The following RAD54B variants were observed in gnomAD, a reference collection of about 807,000 sequenced individuals.
RAD54B encodes DNA repair and recombination protein RAD54B.
A neutral mutation model predicts 95.8 loss-of-function variants in RAD54B; 78 were observed. The ratio of observed to expected loss-of-function variants is 0.81; its 90% CI spans 0.68 to 0.98. The LOEUF is 0.98. Among genes scored for constraint, RAD54B ranks in the 50% least tolerant of loss-of-function variants. The pLI, the probability that RAD54B is intolerant of heterozygous loss-of-function variation, is 0.00. For missense variants in RAD54B, 957 were observed against 1,056.6 expected (o/e 0.91, Z 1.31); for synonymous variants, 328 against 354.9 (o/e 0.92, Z 0.85).
At chr8:94,448,707 A>AAAC (rs894375279) in intron 3 of RAD54B, among the ~76,000 whole-genome samples, 7 of 151,606 alleles carry the variant, frequency 4.6e-5, no homozygotes, top group Non-Finnish European at 8.8e-5. Flanking sequence ...AAAAAAAAAA[A>AAAC]AGGCCAAACA....
intron 3 of RAD54B, among the ~76,000 whole-genome samples, chr8:94,413,051 G>GA (rs1036805990): frequency 6.6e-6 from 1 of 151,742 alleles, no homozygotes; most frequent in Non-Finnish European, 1.5e-5. Context: ...AAGCTTTGTT[G>GA]AAAAAAAATT....
At chr8:94,390,294 G>C (rs1810985053) in intron 10 of RAD54B, among the ~76,000 whole-genome samples, 1 of 151,118 alleles carries the variant, frequency 6.6e-6, no homozygotes, top group Admixed American at 6.6e-5. Context: ...GAGGTCAGGA[G>C]TTCGAGACCA....
At chr8:94,456,399 A>G (rs1374029270) in intron 3 of RAD54B, among the ~76,000 whole-genome samples, 2 of 152,234 alleles carry the variant, frequency 1.3e-5, no homozygotes, top group South Asian at 2.1e-4. Context: ...CCTGTTTGGT[A>G]TAATAACAAT....
chr8:94,381,270 G>C (rs1460746337), intron 11 of RAD54B, among the ~76,000 whole-genome samples: 1 of 152,172 alleles, frequency 6.6e-6, no homozygotes, highest in Admixed American at 6.5e-5. Context: ...TCTATGGAAA[G>C]ACTTAAATGA....
Position 94,432,738 on chromosome 8 carries a change from T to C in RAD54B, c.305-21423A>G, listed in dbSNP as rs541714085. The C allele has an allele frequency of 2.2e-6, 3 of 1,363,668 alleles. No individual in the cohort carries two copies. In the East Asian group the frequency reaches 7.8e-5, roughly 35 times the overall value. 84.5% of individuals were successfully genotyped at this position (1,363,668 alleles called of 1,614,324 possible). Reference sequence around the variant, plus strand: ...TTTATAGCATAATTTTAATTTAATGTACATTAAATGATAAAGCTTTAAAAC... The same window carrying C: ...TTTATAGCATAATTTTAATTTAATGCACATTAAATGATAAAGCTTTAAAAC... On this transcript the variant is annotated intron_variant, in intron 3 of 14. Coordinates refer to ENST00000336148, the MANE Select transcript of RAD54B (RefSeq NM_012415.3).
chr8:94,394,407 ATT>A (rs59691545), intron 8 of RAD54B, among the ~76,000 whole-genome samples: 1 of 151,320 alleles, frequency 6.6e-6, no homozygotes, highest in East Asian at 1.9e-4. Context: ...TAAACTCAGA[ATT>A]TTTTTTTTCA....
chr8:94,383,073 G>A (rs1196236353), intron 11 of RAD54B, among the ~76,000 whole-genome samples: 3 of 151,984 alleles, frequency 2.0e-5, no homozygotes, highest in Admixed American at 6.6e-5. Flanking sequence ...AAGGGGGGTG[G>A]GTCACCTGAG....
At chr8:94,385,415 T>C (rs973089837) in intron 11 of RAD54B, among the ~76,000 whole-genome samples, 4 of 152,060 alleles carry the variant, frequency 2.6e-5, no homozygotes, top group African/African-American at 9.7e-5. Flanking sequence ...AGTGAAAGTT[T>C]GCACTCTTAA....
At chr8:94,469,573 T>A (rs10086307) in intron 1 of RAD54B, among the ~76,000 whole-genome samples, 6,041 of 152,312 alleles carry the variant, frequency 0.04, 133 homozygotes, top group Non-Finnish European at 0.049. Context: ...AAGCATGATA[T>A]CTTCTTTAAA....
chr8:94,456,372 T>G (rs915792384), intron 3 of RAD54B, among the ~76,000 whole-genome samples: 3 of 152,174 alleles, frequency 2.0e-5, no homozygotes, highest in Non-Finnish European at 4.4e-5. Context: ...AACTAAATAT[T>G]ATGAATTACT....
chr8:94,437,545 C>T (rs1165537580), intron 3 of RAD54B, among the ~76,000 whole-genome samples: 14 of 152,174 alleles, frequency 9.2e-5, no homozygotes. Context: ...ACATTAGCCT[C>T]TGCATATTTT....
At chr8:94,378,995 G>C (rs981289239) in intron 12 of RAD54B, among the ~76,000 whole-genome samples, 3 of 152,168 alleles carry the variant, frequency 2.0e-5, no homozygotes, top group Admixed American at 6.5e-5. Flanking sequence ...TTGCCCCTGA[G>C]AACTACCTAG....
chr8:94,454,391 T>C (rs1470373526), intron 3 of RAD54B, among the ~76,000 whole-genome samples: 3 of 152,216 alleles, frequency 2.0e-5, no homozygotes, highest in African/African-American at 7.2e-5. Context: ...TGCCACTTAA[T>C]TGTATACTTT....
chr8:94,373,641 G>A (rs1448917945), intron 14 of RAD54B, among the ~76,000 whole-genome samples: 1 of 152,150 alleles, frequency 6.6e-6, no homozygotes, highest in East Asian at 1.9e-4. Flanking sequence ...TTACACAAAT[G>A]AGAAACATAT....
intron 6 of RAD54B, among the ~76,000 whole-genome samples, chr8:94,401,332 C>T (rs545266705): frequency 6.6e-6 from 1 of 152,182 alleles, no homozygotes; most frequent in African/African-American, 2.4e-5. Flanking sequence ...ACCAAACCAA[C>T]CCTTCCTCTT....
chr8:94,452,799 C>T (rs1371533988), intron 3 of RAD54B, among the ~76,000 whole-genome samples: 1 of 152,094 alleles, frequency 6.6e-6, no homozygotes, highest in Non-Finnish European at 1.5e-5. Context: ...ACCCAGCCTA[C>T]TATCCTTAAT....
chr8:94,460,725 C>G (rs1812881410), intron 2 of RAD54B, among the ~76,000 whole-genome samples: 1 of 151,886 alleles, frequency 6.6e-6, no homozygotes, highest in African/African-American at 2.4e-5. Flanking sequence ...GGGCTGAGTT[C>G]CTTTCTGGAT....
In RAD54B at chr8:94,404,104, A is replaced by C; in HGVS notation, c.917T>G (p.Phe306Cys). The change falls in exon 6 of 15, where the codon TTC becomes TGC. Residue 306 changes from phenylalanine to cysteine, a missense_variant. Coordinates refer to ENST00000336148, the MANE Select transcript of RAD54B (RefSeq NM_012415.3). ...LRPHQKEGIIFLYECVMGMRM... is the reference protein window; with the variant it reads ...LRPHQKEGIICLYECVMGMRM... The stretch of plus-strand genomic sequence containing the variant: ...CATTCCCATTACACATTCATAAAGG[A>C]ATATGATTCCTTCTTTCTGATGTGG... 1 of 1,606,486 alleles carries C rather than the reference A, an allele frequency of 6.2e-7. No individual in the cohort carries two copies.
intron 3 of RAD54B, among the ~76,000 whole-genome samples, chr8:94,448,779 G>A (rs946058651): frequency 6.6e-6 from 1 of 151,950 alleles, no homozygotes; most frequent in Admixed American, 6.6e-5. Flanking sequence ...TGGGGGAGGA[G>A]GGAGAGGAAA....
Sources: allele counts gnomAD v4.1 joint callset (sites outside exome capture counted in the v4.1 genomes callset), GRCh38; gene constraint gnomAD v4.1.1; transcripts MANE v1.5; gene names NCBI Gene and HGNC (gene_info 2026-07-23, HGNC 2026-07-21).